VAV3: variants seen among roughly 807,000 people sequenced by gnomAD.
VAV3 encodes vav guanine nucleotide exchange factor 3.
In VAV3, 94 loss-of-function variants were observed where a neutral mutation model predicts 131.2. The observed-to-expected ratio is 0.72, with a 90% CI of 0.61 to 0.85. VAV3 has a LOEUF of 0.85. VAV3 is among the 40% of genes least tolerant of loss of function. VAV3 has a pLI of 0.00. For missense variants in VAV3, 939 were observed against 1,002.7 expected (o/e 0.94, Z 0.86); for synonymous variants, 349 against 342.0 (o/e 1.02, Z -0.22).
chr1:107,913,935 C>T (rs1420285111), intron 1 of VAV3, among the ~76,000 whole-genome samples: 1 of 152,160 alleles, frequency 6.6e-6, no homozygotes, highest in Non-Finnish European at 1.5e-5. Flanking sequence ...GCTGGGATTA[C>T]AGGCACCTGC....
At chr1:107,941,271 G>T (rs935877469) in intron 1 of VAV3, among the ~76,000 whole-genome samples, 2 of 152,032 alleles carry the variant, frequency 1.3e-5, no homozygotes, top group Non-Finnish European at 2.9e-5. Context: ...AGTACTAAAG[G>T]ACTAAACTGA....
chr1:107,890,217 T>A (rs1351427560), intron 1 of VAV3, among the ~76,000 whole-genome samples: 9 of 152,210 alleles, frequency 5.9e-5, no homozygotes, highest in African/African-American at 1.9e-4. Flanking sequence ...ACCATTACAC[T>A]ATGGCTCATG....
chr1:107,636,958 C>T (rs892797195), intron 20 of VAV3, among the ~76,000 whole-genome samples: 3 of 151,906 alleles, frequency 2.0e-5, no homozygotes, highest in Admixed American at 6.6e-5. Flanking sequence ...GCAAATTAAG[C>T]CCAAAAGAAT....
chr1:107,959,649 A>G (rs1156259221), intron 1 of VAV3, among the ~76,000 whole-genome samples: 2 of 152,100 alleles, frequency 1.3e-5, no homozygotes, highest in African/African-American at 4.8e-5. Context: ...GCATGCTCCA[A>G]TGGCTCATCA....
chr1:107,633,681 G>A (rs1337784813), intron 20 of VAV3, among the ~76,000 whole-genome samples: 1 of 152,090 alleles, frequency 6.6e-6, no homozygotes, highest in Non-Finnish European at 1.5e-5. Flanking sequence ...AAGTAATTCT[G>A]CACCAGCTCT....
At chr1:107,777,610 G>A in intron 3 of VAV3, 1 of 350,430 alleles carries the variant, frequency 2.9e-6, no homozygotes, top group Non-Finnish European at 5.2e-6. Flanking sequence ...CCACATACCT[G>A]CAGGGTCACC....
intron 15 of VAV3, among the ~76,000 whole-genome samples, chr1:107,747,226 T>C (rs1663407903): frequency 6.6e-6 from 1 of 152,214 alleles, no homozygotes. Context: ...TTATGGCAAC[T>C]GAACAAAATA....
At chr1:107,912,889 A>C (rs1012515890) in intron 1 of VAV3, among the ~76,000 whole-genome samples, 8 of 152,178 alleles carry the variant, frequency 5.3e-5, no homozygotes, top group African/African-American at 1.9e-4. Context: ...CTTTTTCCAC[A>C]ACCACACTTT....
chr1:107,583,167 T>C (rs1650202996), intron 25 of VAV3, among the ~76,000 whole-genome samples: 2 of 152,184 alleles, frequency 1.3e-5, no homozygotes, highest in Admixed American at 6.5e-5. Context: ...TGGCCAGTGA[T>C]GGTGAGCATT....
At chr1:107,588,929 T>C (rs1007289748) in intron 25 of VAV3, among the ~76,000 whole-genome samples, 3 of 152,216 alleles carry the variant, frequency 2.0e-5, no homozygotes, top group Non-Finnish European at 2.9e-5. Flanking sequence ...GGAGCCTGCA[T>C]TGGCTAGAAG....
intron 6 of VAV3, among the ~76,000 whole-genome samples, chr1:107,770,153 G>T (rs1664957342): frequency 6.6e-6 from 1 of 152,020 alleles, no homozygotes. Flanking sequence ...TTTCCAATCA[G>T]AGGGGCTCTC....
intron 2 of VAV3, among the ~76,000 whole-genome samples, chr1:107,803,859 T>C (rs1440061325): frequency 6.6e-6 from 1 of 152,054 alleles, no homozygotes; most frequent in Non-Finnish European, 1.5e-5. Context: ...TTAAAGTCCA[T>C]GACTGTTACT....
chr1:107,808,020 A>C (rs1014011947), intron 2 of VAV3, among the ~76,000 whole-genome samples: 6 of 152,180 alleles, frequency 3.9e-5, no homozygotes, highest in Non-Finnish European at 7.3e-5. Flanking sequence ...TATTTTCATA[A>C]ACCTGACCAA....
chr1:107,906,754 A>G (rs1380424329), intron 1 of VAV3, among the ~76,000 whole-genome samples: 1 of 152,190 alleles, frequency 6.6e-6, no homozygotes, highest in Non-Finnish European at 1.5e-5. Flanking sequence ...TACCTTAATG[A>G]CTTTTTATGA....
At chr1:107,720,169 C>A (rs566688812) in intron 15 of VAV3, among the ~76,000 whole-genome samples, 2 of 151,990 alleles carry the variant, frequency 1.3e-5, no homozygotes, top group South Asian at 4.2e-4. Context: ...TGTAACAAAC[C>A]TGCACATTGT....
intron 1 of VAV3, among the ~76,000 whole-genome samples, chr1:107,915,819 CTGT>C (rs1436117179): frequency 2.0e-5 from 3 of 152,140 alleles, no homozygotes; most frequent in Admixed American, 6.5e-5. Flanking sequence ...ATTATATGTG[CTGT>C]GGACTTACTA....
intron 22 of VAV3, among the ~76,000 whole-genome samples, chr1:107,608,886 T>C (rs920293156): frequency 6.6e-6 from 1 of 152,242 alleles, no homozygotes; most frequent in Admixed American, 6.5e-5. Context: ...CTCATTTCTA[T>C]GCATGTATTT....
At chr1:107,808,427 A>G (rs904745643) in intron 2 of VAV3, among the ~76,000 whole-genome samples, 2 of 152,204 alleles carry the variant, frequency 1.3e-5, no homozygotes, top group African/African-American at 4.8e-5. Flanking sequence ...AACTCCAAAC[A>G]TCATTTTCTT....
chr1:107,649,432 A>G (rs963165788), intron 19 of VAV3, among the ~76,000 whole-genome samples: 3 of 152,086 alleles, frequency 2.0e-5, no homozygotes, highest in African/African-American at 7.2e-5. Context: ...GACTTCTGTA[A>G]ACAAAAGATG....
Sources: allele counts gnomAD v4.1 joint callset (sites outside exome capture counted in the v4.1 genomes callset), GRCh38; gene constraint gnomAD v4.1.1; transcripts MANE v1.5; gene names NCBI Gene and HGNC (gene_info 2026-07-23, HGNC 2026-07-21).